Variants in KAZN observed in about 807,000 individuals in gnomAD.
KAZN encodes the protein kazrin.
KAZN carries 40 observed loss-of-function variants against 87.4 expected under a neutral mutation model. The observed-to-expected ratio is 0.46, with a 90% CI of 0.36 to 0.60. The LOEUF (loss-of-function observed/expected upper bound fraction) is 0.60, where lower values mean the gene tolerates loss of function less well. Among genes scored for constraint, KAZN ranks in the 20% least tolerant of loss-of-function variants. The pLI, the probability that KAZN is intolerant of heterozygous loss-of-function variation, is 0.00. For synonymous variants in KAZN, 466 were observed against 458.3 expected (o/e 1.02, Z -0.22); for missense variants, 898 against 1,073.9 (o/e 0.84, Z 2.29).
intron 2 of KAZN, among the ~76,000 whole-genome samples, chr1:14,273,831 C>A (rs1463587995): frequency 1.5e-5 from 1 of 66,496 alleles, no homozygotes; most frequent in Non-Finnish European, 4.6e-5. Flanking sequence ...AAGCTGGGAG[C>A]AGTATTTTTT....
At chr1:13,907,408 G>C (rs1291146741) in intron 1 of KAZN, among the ~76,000 whole-genome samples, 1 of 152,012 alleles carries the variant, frequency 6.6e-6, no homozygotes, top group Non-Finnish European at 1.5e-5. Flanking sequence ...AAGTGGTAGA[G>C]AAGACCCCAG....
At chr1:13,893,399 T>G in exon 1 of KAZN, 2 of 373,730 alleles carry the variant, frequency 5.4e-6, no homozygotes, top group African/African-American at 2.1e-5. Context: ...AAACTTAGAT[T>G]TTTCTTTTGC....
rs201177311 is a variant in KAZN, at chr1:14,225,520, G to GA, written c.249+44935dup. Among the ~76,000 whole-genome samples the GA allele has an allele frequency of 8.9e-3, 1,354 of 152,090 alleles. 20 individuals carry two copies. Among genetic ancestry groups the GA allele is most frequent in the African/African-American group, 0.031 (1,288 of 41,498 alleles). On this transcript the variant is annotated intron_variant, in intron 2 of 16. Transcript: ENST00000636203. The stretch of plus-strand genomic sequence containing the variant: ...ACCAATGACATTTTTCACAAAATTA[G>GA]AAAAAAATTCTAAAATTCATTTGAA...
chr1:14,793,095 A>G (rs2100698910), intron 1 of KAZN, among the ~76,000 whole-genome samples: 1 of 152,162 alleles, frequency 6.6e-6, no homozygotes, highest in African/African-American at 2.4e-5. Flanking sequence ...GGTGGAGGCC[A>G]CTGATGGCTT....
intron 1 of KAZN, among the ~76,000 whole-genome samples, chr1:14,093,610 A>G (rs1441543658): frequency 6.6e-6 from 1 of 151,930 alleles, no homozygotes; most frequent in Non-Finnish European, 1.5e-5. Context: ...ACATTCTTGT[A>G]GGGGAGTTCA....
chr1:14,784,415 CCCT>C (rs1645443651), intron 1 of KAZN, among the ~76,000 whole-genome samples: 1 of 152,150 alleles, frequency 6.6e-6, no homozygotes, highest in Non-Finnish European at 1.5e-5. Flanking sequence ...TCTCTGCAGA[CCCT>C]CCTCCTCTCT....
Position 14,018,446 on chromosome 1 carries a change from T to C in KAZN, c.91+124690T>C, listed in dbSNP as rs140923469. ...CCTTTTGGGAGACATGGTAGAAAAA[T>C]ATAACAGCTATAATTTATAGCGGTG... On this transcript the variant is annotated intron_variant, in intron 1 of 16. Coordinates refer to the KAZN transcript ENST00000636203. Among the ~76,000 whole-genome samples, 611 of 152,246 alleles carry C rather than the reference T, an allele frequency of 4.0e-3. 6 individuals are homozygous for C. The highest frequency in any genetic ancestry group is 0.014 in the African/African-American group (587 of 41,546).
chr1:14,525,483 CTTTA>C (rs1211125452), intron 2 of KAZN, among the ~76,000 whole-genome samples: 2 of 152,178 alleles, frequency 1.3e-5, no homozygotes, highest in East Asian at 1.9e-4. Context: ...TCCGATAAAA[CTTTA>C]TTTATGCACA....
intron 1 of KAZN, among the ~76,000 whole-genome samples, chr1:14,661,740 C>T (rs1557871897): frequency 6.6e-6 from 1 of 151,892 alleles, no homozygotes; most frequent in Admixed American, 6.6e-5. Context: ...CATGGCAAAA[C>T]CCCCGTCTCT....
chr1:14,639,500 T>C (rs1465110722), intron 1 of KAZN, among the ~76,000 whole-genome samples: 2 of 152,294 alleles, frequency 1.3e-5, no homozygotes, highest in African/African-American at 2.4e-5. Context: ...ACCATGGCCA[T>C]AGACCTGTTT....
chr1:14,890,695 G>T (rs891476714), intron 1 of KAZN, among the ~76,000 whole-genome samples: 1 of 152,068 alleles, frequency 6.6e-6, no homozygotes, highest in Non-Finnish European at 1.5e-5. Context: ...CCAAAGATCT[G>T]TATTTTTTTT....
chr1:14,541,519 A>G (rs1362654782), intron 2 of KAZN, among the ~76,000 whole-genome samples: 1 of 152,206 alleles, frequency 6.6e-6, no homozygotes, highest in Non-Finnish European at 1.5e-5. Context: ...ACATTAACCC[A>G]GAATTCACTG....
chr1:14,925,222 G>A (rs1659041416), intron 1 of KAZN, among the ~76,000 whole-genome samples: 2 of 152,128 alleles, frequency 1.3e-5, no homozygotes, highest in African/African-American at 2.4e-5. Context: ...TCAGGCCTGC[G>A]CTATCTCCCT....
At chr1:14,080,201 A>G (rs1275825072) in intron 1 of KAZN, among the ~76,000 whole-genome samples, 1 of 67,618 alleles carries the variant, frequency 1.5e-5, no homozygotes, top group Non-Finnish European at 3.5e-5. Context: ...TGTATATCTC[A>G]TATGTTCATT....
At chr1:14,892,755 C>T (rs575991788) in intron 1 of KAZN, among the ~76,000 whole-genome samples, 25 of 152,304 alleles carry the variant, frequency 1.6e-4, no homozygotes, top group South Asian at 6.2e-4. Context: ...ACTTGTGCCA[C>T]GGGGCTGTGG....
intron 2 of KAZN, among the ~76,000 whole-genome samples, chr1:14,549,251 C>A (rs12035547): frequency 0.51 from 77,729 of 151,966 alleles, 20,415 homozygotes; most frequent in South Asian, 0.66. Flanking sequence ...ATTATCGATG[C>A]CCCTCCTTTC....
At chr1:14,524,298 A>G (rs1217787000) in intron 2 of KAZN, among the ~76,000 whole-genome samples, 1 of 152,088 alleles carries the variant, frequency 6.6e-6, no homozygotes, top group African/African-American at 2.4e-5. Flanking sequence ...CTGAGATTAT[A>G]GGCATGAGCC....
intron 2 of KAZN, among the ~76,000 whole-genome samples, chr1:14,485,072 G>A (rs1669276542): frequency 6.6e-6 from 1 of 152,122 alleles, no homozygotes; most frequent in Admixed American, 6.5e-5. Flanking sequence ...GAGGCCATAT[G>A]TCACTCAATC....
intron 2 of KAZN, among the ~76,000 whole-genome samples, chr1:14,992,801 G>A (rs182902853): frequency 8.5e-4 from 129 of 151,678 alleles, no homozygotes; most frequent in African/African-American, 2.8e-3. Context: ...CCACCAACAC[G>A]CCCAGATAAT....
Sources: allele counts gnomAD v4.1 joint callset (sites outside exome capture counted in the v4.1 genomes callset), GRCh38; gene constraint gnomAD v4.1.1; transcripts MANE v1.5; gene names NCBI Gene and HGNC (gene_info 2026-07-23, HGNC 2026-07-21).